Variants in ADGRB3 observed in about 807,000 individuals in gnomAD.
The protein encoded by ADGRB3 is brain-specific angiogenesis inhibitor 3.
Under a neutral mutation model 193.4 loss-of-function variants are expected in ADGRB3, and 37 were observed. That is an observed-to-expected ratio of 0.19 (90% confidence interval 0.15 to 0.25). The LOEUF (loss-of-function observed/expected upper bound fraction) is 0.25, where lower values mean the gene tolerates loss of function less well. ADGRB3 is among the 10% of genes least tolerant of loss of function. The pLI is 1.00. For missense variants in ADGRB3, 1,637 were observed against 1,852.9 expected (o/e 0.88, Z 2.14); for synonymous variants, 690 against 644.2 (o/e 1.07, Z -1.08).
At chr6:68,805,218 G>A (rs1562036884) in intron 3 of ADGRB3, among the ~76,000 whole-genome samples, 1 of 152,170 alleles carries the variant, frequency 6.6e-6, no homozygotes. Context: ...TGGGATTACA[G>A]GTGTGAGCCA....
intron 20 of ADGRB3, among the ~76,000 whole-genome samples, chr6:69,242,759 C>A (rs890496238): frequency 7.2e-5 from 11 of 151,844 alleles, no homozygotes; most frequent in Non-Finnish European, 1.5e-4. Flanking sequence ...TAACCCACTT[C>A]ATTATATTTT....
At chr6:68,999,360 G>C (rs1021757162) in intron 11 of ADGRB3, among the ~76,000 whole-genome samples, 9 of 151,530 alleles carry the variant, frequency 5.9e-5, no homozygotes, top group Admixed American at 2.6e-4. Context: ...TGCCTCCCGG[G>C]TTCACGCCAT....
chr6:68,730,287 G>A (rs796568700), intron 3 of ADGRB3, among the ~76,000 whole-genome samples: 27 of 151,592 alleles, frequency 1.8e-4, no homozygotes, highest in African/African-American at 6.5e-4. Flanking sequence ...ATGAACCATC[G>A]TAAGAGGGAA....
chr6:69,122,257 T>G (rs896298327), intron 17 of ADGRB3, among the ~76,000 whole-genome samples: 4 of 151,444 alleles, frequency 2.6e-5, no homozygotes, highest in Non-Finnish European at 5.9e-5. Flanking sequence ...GAGACCAGCC[T>G]GGTCAACAGG....
chr6:69,221,325 A>G (rs968057098), intron 17 of ADGRB3, among the ~76,000 whole-genome samples: 2 of 152,180 alleles, frequency 1.3e-5, no homozygotes, highest in African/African-American at 4.8e-5. Context: ...AAATTCATTT[A>G]AAGACACTCC....
intron 19 of ADGRB3, 55 bp from the exon 20 acceptor site, chr6:69,239,069 T>C: frequency 9.6e-7 from 1 of 1,043,636 alleles, no homozygotes; most frequent in Non-Finnish European, 1.5e-6. Context: ...CAATATATAA[T>C]TCTTCATCTT....
chr6:68,720,536 G>T (rs143442176), intron 3 of ADGRB3, among the ~76,000 whole-genome samples: 4,232 of 151,836 alleles, frequency 0.028, 89 homozygotes, highest in Non-Finnish European at 0.039. Context: ...ATACAAGTGA[G>T]ATTAATTGAT....
intron 3 of ADGRB3, among the ~76,000 whole-genome samples, chr6:68,908,559 TCA>T (rs1766612939): frequency 1.3e-5 from 2 of 152,086 alleles, no homozygotes; most frequent in South Asian, 4.1e-4. Context: ...CCTCACCCAA[TCA>T]CAGTCAAAAG....
chr6:69,155,945 G>T (rs2150342897), intron 17 of ADGRB3, among the ~76,000 whole-genome samples: 1 of 152,008 alleles, frequency 6.6e-6, no homozygotes, highest in South Asian at 2.1e-4. Context: ...GTCTATATTT[G>T]TTCTTATGTT....
chr6:69,291,821 G>A (rs1444154229), intron 20 of ADGRB3, among the ~76,000 whole-genome samples: 1 of 152,090 alleles, frequency 6.6e-6, no homozygotes, highest in Non-Finnish European at 1.5e-5. Flanking sequence ...GGAAGGACTT[G>A]CTAACCTTCT....
chr6:69,177,564 T>C (rs943732336), intron 17 of ADGRB3, among the ~76,000 whole-genome samples: 2 of 152,092 alleles, frequency 1.3e-5, no homozygotes, highest in Non-Finnish European at 2.9e-5. Flanking sequence ...GCCAGGATGG[T>C]CTTGATCTCT....
At chr6:68,817,065 C>T (rs1767644791) in intron 3 of ADGRB3, among the ~76,000 whole-genome samples, 2 of 151,530 alleles carry the variant, frequency 1.3e-5, no homozygotes, top group African/African-American at 4.8e-5. Flanking sequence ...CCCTGCTAGA[C>T]CAAAATTCCT....
intron 3 of ADGRB3, among the ~76,000 whole-genome samples, chr6:68,737,837 T>C (rs1765901539): frequency 6.6e-6 from 1 of 152,182 alleles, no homozygotes; most frequent in Admixed American, 6.6e-5. Flanking sequence ...CAGGTACTAC[T>C]TCAGGGCCTA....
chr6:68,749,408 A>ATGTGTGTGTGTGTGTG (rs60078030), intron 3 of ADGRB3, among the ~76,000 whole-genome samples: 6 of 136,490 alleles, frequency 4.4e-5, no homozygotes, highest in African/African-American at 1.7e-4. Context: ...ATATATATAT[A>ATGTGTGTGTGTGTGTG]TGTGTGTGTG....
intron 3 of ADGRB3, among the ~76,000 whole-genome samples, chr6:68,731,113 C>A (rs1765765960): frequency 6.6e-6 from 1 of 151,442 alleles, no homozygotes; most frequent in South Asian, 2.1e-4. Flanking sequence ...TATATAAGTT[C>A]TTTCTTTCAA....
At chr6:69,153,918 G>A (rs932299813) in intron 17 of ADGRB3, among the ~76,000 whole-genome samples, 6 of 151,990 alleles carry the variant, frequency 3.9e-5, no homozygotes, top group African/African-American at 1.2e-4. Context: ...GTGTGAACCC[G>A]GGAGGCAGAG....
intron 17 of ADGRB3, among the ~76,000 whole-genome samples, chr6:69,166,878 A>G (rs905042993): frequency 2.6e-5 from 4 of 152,122 alleles, no homozygotes; most frequent in Admixed American, 6.6e-5. Context: ...TTTGCTCCCT[A>G]GCTTTCTCTT....
intron 16 of ADGRB3, among the ~76,000 whole-genome samples, chr6:69,065,174 G>A (rs1320106188): frequency 1.3e-5 from 2 of 152,112 alleles, no homozygotes; most frequent in African/African-American, 2.4e-5. Flanking sequence ...CTCCACTCTA[G>A]AAAGCCCATG....
chr6:68,871,630 T>C (rs917093366), intron 3 of ADGRB3, among the ~76,000 whole-genome samples: 1 of 152,182 alleles, frequency 6.6e-6, no homozygotes, highest in Non-Finnish European at 1.5e-5. Context: ...CTTGACTCCC[T>C]GCACCAACTA....
Sources: allele counts gnomAD v4.1 joint callset (sites outside exome capture counted in the v4.1 genomes callset), GRCh38; gene constraint gnomAD v4.1.1; transcripts MANE v1.5; gene names NCBI Gene and HGNC (gene_info 2026-07-23, HGNC 2026-07-21).